Variants in CAMK4 observed in about 807,000 individuals in gnomAD.
CAMK4 encodes calcium/calmodulin dependent protein kinase IV, also known as calcium/calmodulin-dependent protein kinase type IV.
CAMK4 carries 22 observed loss-of-function variants against 44.9 expected under a neutral mutation model. The observed-to-expected ratio is 0.49, with a 90% CI of 0.35 to 0.70. The LOEUF is 0.70. Among genes scored for constraint, CAMK4 ranks in the 30% least tolerant of loss-of-function variants. The pLI is 0.01. For synonymous variants in CAMK4, 218 were observed against 215.4 expected (o/e 1.01, Z -0.11); for missense variants, 498 against 586.8 (o/e 0.85, Z 1.56).
intron 1 of CAMK4, among the ~76,000 whole-genome samples, chr5:111,268,925 A>G (rs1750379235): frequency 6.6e-6 from 1 of 152,226 alleles, no homozygotes; most frequent in Admixed American, 6.5e-5. Flanking sequence ...AACTTGTATT[A>G]TATCAATTTA....
chr5:111,370,384 T>C (rs1750958223), intron 2 of CAMK4, among the ~76,000 whole-genome samples: 1 of 152,126 alleles, frequency 6.6e-6, no homozygotes, highest in Non-Finnish European at 1.5e-5. Flanking sequence ...TAGAAAATAT[T>C]TGTTTAATAT....
intron 7 of CAMK4, among the ~76,000 whole-genome samples, chr5:111,467,753 G>A (rs986309938): frequency 1.3e-5 from 2 of 152,120 alleles, no homozygotes; most frequent in African/African-American, 4.8e-5. Context: ...CACTGTTGAT[G>A]GGAATGTAAA....
intron 7 of CAMK4, among the ~76,000 whole-genome samples, chr5:111,454,913 T>C (rs2112989412): frequency 6.6e-6 from 1 of 152,292 alleles, no homozygotes; most frequent in Admixed American, 6.5e-5. Context: ...TAAGCTTAAG[T>C]ATGTTCATAT....
chr5:111,299,821 G>T (rs1747644452), intron 1 of CAMK4, among the ~76,000 whole-genome samples: 2 of 150,736 alleles, frequency 1.3e-5, no homozygotes, highest in Admixed American at 1.3e-4. Context: ...TCCCATTTCT[G>T]TGTTTTTTTT....
intron 5 of CAMK4, chr5:111,416,591 T>C (rs1290521616): frequency 6.6e-6 from 1 of 152,198 alleles, no homozygotes; most frequent in Admixed American, 6.5e-5. Flanking sequence ...TGTTCCACCT[T>C]TGTTTCACCA....
At chr5:111,248,276 G>T (rs1013855460) in intron 1 of CAMK4, among the ~76,000 whole-genome samples, 1 of 152,030 alleles carries the variant, frequency 6.6e-6, no homozygotes, top group Admixed American at 6.6e-5. Context: ...TTAACTCTTG[G>T]GTTAATGATT....
intron 5 of CAMK4, among the ~76,000 whole-genome samples, chr5:111,424,708 A>C (rs1753159759): frequency 1.3e-5 from 2 of 151,634 alleles, no homozygotes; most frequent in Non-Finnish European, 2.9e-5. Flanking sequence ...TGGCCTCCCA[A>C]AGTGCTGGGA....
intron 1 of CAMK4, among the ~76,000 whole-genome samples, chr5:111,333,428 TAA>T (rs1317436793): frequency 6.6e-6 from 1 of 151,652 alleles, no homozygotes; most frequent in African/African-American, 2.4e-5. Context: ...AGAGGACTGA[TAA>T]GAGTTATTAA....
At chr5:111,450,489 C>T (rs867798562) in intron 7 of CAMK4, among the ~76,000 whole-genome samples, 5 of 150,832 alleles carry the variant, frequency 3.3e-5, no homozygotes, top group Non-Finnish European at 7.4e-5. Flanking sequence ...TCACAATCTA[C>T]AAGAAAACAG....
intron 4 of CAMK4, among the ~76,000 whole-genome samples, chr5:111,389,679 C>T (rs1190970682): frequency 6.6e-6 from 1 of 152,198 alleles, no homozygotes; most frequent in African/African-American, 2.4e-5. Flanking sequence ...GGAAAATCCA[C>T]ACTGTTTGTT....
intron 1 of CAMK4, among the ~76,000 whole-genome samples, chr5:111,285,551 C>A (rs1751205954): frequency 6.6e-6 from 1 of 152,218 alleles, no homozygotes; most frequent in Non-Finnish European, 1.5e-5. Flanking sequence ...GTGGTGTAAG[C>A]ATGGCTGCAA....
intron 1 of CAMK4, among the ~76,000 whole-genome samples, chr5:111,318,178 A>G (rs887732758): frequency 5.3e-5 from 8 of 152,156 alleles, no homozygotes; most frequent in African/African-American, 1.4e-4. Context: ...TTATCTATCT[A>G]TGACACAAAA....
chr5:111,373,431 ATT>A (rs1197984156), intron 2 of CAMK4, among the ~76,000 whole-genome samples: 27 of 2,916 alleles, frequency 9.3e-3, no homozygotes, highest in Non-Finnish European at 0.027. Context: ...TGTAAAATAT[ATT>A]TATATGTTGC....
intron 5 of CAMK4, among the ~76,000 whole-genome samples, chr5:111,426,011 C>A (rs1461801721): frequency 6.6e-6 from 1 of 151,968 alleles, no homozygotes; most frequent in Non-Finnish European, 1.5e-5. Context: ...TATTTTTAAT[C>A]CTTGAATCCT....
At chr5:111,252,117 A>G (rs1474300698) in intron 1 of CAMK4, among the ~76,000 whole-genome samples, 2 of 152,190 alleles carry the variant, frequency 1.3e-5, no homozygotes, top group Non-Finnish European at 1.5e-5. Flanking sequence ...GTGCCAAGAC[A>G]CTGTCGTATT....
intron 4 of CAMK4, among the ~76,000 whole-genome samples, chr5:111,381,697 C>T (rs1002291695): frequency 3.3e-5 from 5 of 152,168 alleles, no homozygotes; most frequent in Non-Finnish European, 5.9e-5. Context: ...CTCAATATTA[C>T]CATCACACCT....
In CAMK4 at chr5:111,374,913, G is replaced by GT. The variant is rs1751156701; in HGVS notation, c.303+2dup. ...TCTTCGCCTCTCACATCCAAACATTGTAAGTGGTTTTTAACCTACTATTTC... is the reference window on the plus strand; with the variant it reads ...TCTTCGCCTCTCACATCCAAACATTGTTAAGTGGTTTTTAACCTACTATTTC... On this transcript the variant is annotated splice_donor_variant, in intron 3 of 10. Coordinates refer to ENST00000282356, the MANE Select transcript of CAMK4 (RefSeq NM_001744.6). LOFTEE classifies it high-confidence loss of function. The GT allele has an allele frequency of 6.2e-7, 1 of 1,606,334 alleles. No homozygotes were observed. Among genetic ancestry groups the GT allele is most frequent in the Non-Finnish European group, 8.5e-7 (1 of 1,173,648 alleles).
intron 1 of CAMK4, among the ~76,000 whole-genome samples, chr5:111,251,957 A>G (rs909023533): frequency 6.6e-6 from 1 of 152,182 alleles, no homozygotes; most frequent in Non-Finnish European, 1.5e-5. Flanking sequence ...ATTTGGTGGA[A>G]GAAGGCAGAA....
chr5:111,369,485 T>C (rs964463102), intron 2 of CAMK4, among the ~76,000 whole-genome samples: 1 of 152,170 alleles, frequency 6.6e-6, no homozygotes, highest in Non-Finnish European at 1.5e-5. Context: ...TATTTTAACA[T>C]AAATAACAAT....
Sources: gnomAD v4.1 joint callset for allele counts (sites outside exome capture counted in the v4.1 genomes callset) on GRCh38, gnomAD v4.1.1 for gene constraint, MANE v1.5 for transcripts, NCBI Gene and HGNC (gene_info 2026-07-23, HGNC 2026-07-21) for gene names.